The following ATP11C variants were observed in gnomAD, a reference collection of about 807,000 sequenced individuals.
The protein encoded by ATP11C is phospholipid-transporting ATPase IG.
In ATP11C, 36 loss-of-function variants were observed where a neutral mutation model predicts 97.4. The ratio of observed to expected loss-of-function variants is 0.37; its 90% CI spans 0.28 to 0.49. The LOEUF (loss-of-function observed/expected upper bound fraction) is 0.49, where lower values mean the gene tolerates loss of function less well. Ranked by LOEUF, ATP11C falls within the 20% of genes least tolerant of loss-of-function variation. The pLI, the probability that ATP11C is intolerant of heterozygous loss-of-function variation, is 0.98. For synonymous variants in ATP11C, 275 were observed against 290.9 expected (o/e 0.95, Z 0.56); for missense variants, 730 against 824.6 (o/e 0.89, Z 1.40).
intron 9 of ATP11C, 136 bp downstream of exon 9, chrX:139,798,543 G>A (rs897554075): frequency 3.7e-6 from 2 of 547,319 alleles, no homozygotes; most frequent in African/African-American, 2.3e-5. Context: ...AGTTTACCAC[G>A]TTATAAATTC....
At chrX:139,789,248 TAA>T in intron 13 of ATP11C, 77 bp downstream of exon 13, 1 of 836,964 alleles carries the variant, frequency 1.2e-6, no homozygotes, top group Non-Finnish European at 1.7e-6. Context: ...TGTGTCCACC[TAA>T]AAATTATTTT....
At chrX:139,776,513 G>A (rs142112320) in intron 18 of ATP11C, among the ~76,000 whole-genome samples, 1,505 of 111,695 alleles carry the variant, frequency 0.013, 29 homozygotes, top group African/African-American at 0.047. Flanking sequence ...TGAGCCCTAC[G>A]ACAGGGGCAT....
At chrX:139,867,730 C>T (rs192690094) in intron 1 of ATP11C, among the ~76,000 whole-genome samples, 52 of 111,976 alleles carry the variant, frequency 4.6e-4, no homozygotes, top group East Asian at 5.6e-4. Context: ...AGCTAGCATG[C>T]GCAAAGGCCC....
At chrX:139,845,913 C>T (rs1018746662) in intron 1 of ATP11C, among the ~76,000 whole-genome samples, 2 of 112,196 alleles carry the variant, frequency 1.8e-5, no homozygotes, top group Admixed American at 1.9e-4. Flanking sequence ...GGAATAATTA[C>T]GTTTAAGAAA....
At chrX:139,783,938 G>C (rs1165572584) in intron 16 of ATP11C, among the ~76,000 whole-genome samples, 1 of 110,886 alleles carries the variant, frequency 9.0e-6, no homozygotes, top group East Asian at 2.8e-4. Context: ...CAAGAAGAAA[G>C]CTCAAGCTCA....
intron 1 of ATP11C, among the ~76,000 whole-genome samples, chrX:139,840,842 T>A (rs1274539453): frequency 9.2e-6 from 1 of 108,459 alleles, no homozygotes; most frequent in Non-Finnish European, 1.9e-5. Context: ...CTATATAAAG[T>A]CTCATACAAA....
Position 139,817,482 on chromosome X carries a change from G to A in ATP11C, c.238-539C>T, listed in dbSNP as rs1484522000. On this transcript the variant is annotated intron_variant, in intron 3 of 29. Coordinates refer to ENST00000682941, the MANE Select transcript of ATP11C (RefSeq NM_001353812.2). ...GTGTGGTGTGAGATGGGGCTGGAGAGGGAGGCAGGAGCCAGACTGTGCAGG... is the reference window on the plus strand; with the variant it reads ...GTGTGGTGTGAGATGGGGCTGGAGAAGGAGGCAGGAGCCAGACTGTGCAGG... 7.1e-5 allele frequency among the ~76,000 whole-genome samples: 8 copies of A among 112,846 alleles called. No individual in the cohort carries two copies. In the Admixed American group the frequency reaches 7.5e-4, roughly 11 times the overall value.
chrX:139,768,313 T>G lies in ATP11C; in HGVS notation c.2338A>C (p.Met780Leu), dbSNP rs989701905. 8 of 1,187,336 alleles carry G rather than the reference T, an allele frequency of 6.7e-6. No homozygotes were observed. The African/African-American group carries it at 1.4e-4, about 21-fold the overall frequency. ...NYKSIFLQICMKCTAVLCCRM... is the reference protein window; with the variant it reads ...NYKSIFLQICLKCTAVLCCRM... ...CAGCAGAGCACTGCAGTACACTTCA[T>G]ACATATTTGTAGGAAAATGCTTTTG... The change falls in exon 20 of 30, where the codon ATG becomes CTG. Residue 780 changes from methionine (M) to leucine (L), a missense_variant. Physicochemically the swap from Met to Leu is conservative, Grantham distance 15 (BLOSUM62 2). Coordinates refer to ENST00000682941, the MANE Select transcript of ATP11C (RefSeq NM_001353812.2).
intron 2 of ATP11C, among the ~76,000 whole-genome samples, 160 bp downstream of exon 2, chrX:139,826,544 C>G (rs2083533604): frequency 9.0e-6 from 1 of 111,348 alleles, no homozygotes; most frequent in Non-Finnish European, 1.9e-5. Context: ...TTTAAATAAA[C>G]TGTCTTTCAG....
intron 1 of ATP11C, among the ~76,000 whole-genome samples, chrX:139,922,742 T>A (rs1198762059): frequency 8.9e-6 from 1 of 111,801 alleles, no homozygotes; most frequent in African/African-American, 3.2e-5. Flanking sequence ...GAGAAATAAA[T>A]TTCTGTTGTG....
At chrX:139,841,811 C>A (rs1228148712) in intron 1 of ATP11C, among the ~76,000 whole-genome samples, 2 of 112,449 alleles carry the variant, frequency 1.8e-5, no homozygotes, top group Non-Finnish European at 3.8e-5. Context: ...TATATACACA[C>A]TCCATCTTGC....
At chrX:139,732,347 A>G (rs2081362140) in intron 28 of ATP11C, 1 of 257,413 alleles carries the variant, frequency 3.9e-6, no homozygotes, top group African/African-American at 2.8e-5. Context: ...AAAATGAGTC[A>G]TGAGAAGTAA....
At chrX:139,775,918 T>C (rs990066795) in intron 18 of ATP11C, among the ~76,000 whole-genome samples, 1 of 112,601 alleles carries the variant, frequency 8.9e-6, no homozygotes, top group African/African-American at 3.2e-5. Flanking sequence ...CCTGCAAATA[T>C]ACTCCAACCC....
At chrX:139,862,895 G>A (rs745892714) in intron 1 of ATP11C, among the ~76,000 whole-genome samples, 15 of 111,484 alleles carry the variant, frequency 1.3e-4, no homozygotes, top group Non-Finnish European at 2.8e-4. Flanking sequence ...TAGGCACATG[G>A]TGCCTTGGGG....
upstream of ATP11C, among the ~76,000 whole-genome samples, chrX:139,934,341 TAA>T (rs2085498281): frequency 9.0e-6 from 1 of 111,406 alleles, no homozygotes; most frequent in Non-Finnish European, 1.9e-5. Context: ...TGCCAAGAAG[TAA>T]AACCAACCGT....
chrX:139,742,879 ATATAT>A (rs1569426241), intron 26 of ATP11C, among the ~76,000 whole-genome samples: 1,006 of 7,633 alleles, frequency 0.13, 23 homozygotes, highest in African/African-American at 0.25. Flanking sequence ...AAAAAAAAAT[ATATAT>A]ATATATATAT....
At chrX:139,762,228 T>C in intron 21 of ATP11C, 122 bp from the exon 22 acceptor site, 1 of 574,145 alleles carries the variant, frequency 1.7e-6, no homozygotes, top group East Asian at 3.4e-5. Flanking sequence ...TTTCCTTTTT[T>C]AAAAACCAAA....
intron 18 of ATP11C, among the ~76,000 whole-genome samples, chrX:139,782,142 C>CAGT (rs1271631609): frequency 2.7e-5 from 3 of 109,552 alleles, no homozygotes; most frequent in Non-Finnish European, 5.7e-5. Context: ...CTGGCTAACA[C>CAGT]AGTGAAACCC....
intron 1 of ATP11C, among the ~76,000 whole-genome samples, chrX:139,859,544 T>A (rs1405995812): frequency 8.9e-6 from 1 of 111,930 alleles, no homozygotes; most frequent in Non-Finnish European, 1.9e-5. Flanking sequence ...TATGTCAAAT[T>A]CAAACAAAAA....
Sources: allele counts gnomAD v4.1 joint callset (sites outside exome capture counted in the v4.1 genomes callset), GRCh38; gene constraint gnomAD v4.1.1; transcripts MANE v1.5; gene names NCBI Gene and HGNC (gene_info 2026-07-23, HGNC 2026-07-21).